The following CHFR variants were observed in gnomAD, a reference collection of about 807,000 sequenced individuals.
CHFR encodes checkpoint with forkhead and ring finger domains.
A neutral mutation model predicts 87.6 loss-of-function variants in CHFR; 57 were observed. That is an observed-to-expected ratio of 0.65 (90% CI 0.53 to 0.81). The LOEUF (loss-of-function observed/expected upper bound fraction) is 0.81. CHFR is among the 30% of genes least tolerant of loss of function. The pLI, the probability that CHFR is intolerant of heterozygous loss-of-function variation, is 0.00. For synonymous variants in CHFR, 381 were observed against 359.2 expected, an observed-to-expected ratio of 1.06 and a Z score of -0.69; for missense variants, 797 against 865.8, an observed-to-expected ratio of 0.92 and a Z score of 1.00.
rs1000930948 is a variant in CHFR, at chr12:132,869,565, T to C, written c.583+54A>G. Reference sequence around the variant, plus strand: ...CCTCTGTAACAACACAGGTAAAGAGTAGTGAACAAAAACCATGCAACCAGC... The same window carrying C: ...CCTCTGTAACAACACAGGTAAAGAGCAGTGAACAAAAACCATGCAACCAGC... On this transcript the variant is annotated intron_variant, in intron 6 of 17. Transcript: ENST00000450056. 20 of 1,487,210 alleles carry C rather than the reference T, an allele frequency of 1.3e-5. No individual in the cohort carries two copies. The African/African-American group carries it at 1.5e-4, about 11-fold the overall frequency. The allele number at this position is 1,487,210 out of a possible 1,614,324, so 92.1% of individuals were successfully genotyped here. A position where few individuals can be genotyped will look rare whatever the true frequency, so the allele number is the denominator to read the frequency against.
intron 11 of CHFR, among the ~76,000 whole-genome samples, chr12:132,853,199 G>C (rs1236419751): frequency 6.6e-6 from 1 of 152,186 alleles, no homozygotes; most frequent in Non-Finnish European, 1.5e-5. Context: ...TAATTCCCAG[G>C]AGTGTTCAGG....
At position 132,841,360 on chromosome 12, in the gene CHFR, GC is replaced by G. The variant is rs1950700679; in HGVS notation, c.*193del. On this transcript the variant is annotated 3_prime_UTR_variant, in exon 18 of 18. Coordinates refer to ENST00000450056, the MANE Select transcript of CHFR (RefSeq NM_001161346.2). ...GCGCTCACCAGGAGGGCGGGCTGCG[GC>G]CCCCGGGGCTCTGGGGAGGGTCTCA... 1 of 575,518 alleles carries G rather than the reference GC, an allele frequency of 1.7e-6. No homozygotes were observed. The highest frequency in any genetic ancestry group is 3.1e-6 in the Non-Finnish European group (1 of 324,392). The allele number at this position is 575,518 out of a possible 1,614,324, so 35.7% of individuals were successfully genotyped here.
Position 132,848,202 on chromosome 12 carries a change from G to A in CHFR, c.1577-47C>T, listed in dbSNP as rs1439141526. 4 of 1,613,768 alleles carry A rather than the reference G, an allele frequency of 2.5e-6. No individual in the cohort carries two copies. The East Asian group carries it at 8.9e-5, about 36-fold the overall frequency. ...GTTACCTGTTTATAATGATGTCGCA[G>A]GAAAGCACTGTCTGCCCGACACTGA... On this transcript the variant is annotated intron_variant, in intron 13 of 17. Coordinates refer to ENST00000450056, the MANE Select transcript of CHFR (RefSeq NM_001161346.2).
rs2136906701 is a variant in CHFR, at chr12:132,841,261, C to G, written c.*293G>C. ...AAAATGTACAAAAGAGCAAAACTGCCCCTCTCGGCGGGACGGCCGCATGTT... is the reference window on the plus strand; with the variant it reads ...AAAATGTACAAAAGAGCAAAACTGCGCCTCTCGGCGGGACGGCCGCATGTT... On this transcript the variant is annotated 3_prime_UTR_variant, in exon 18 of 18. Transcript: ENST00000450056. 1 of 340,714 alleles carries G rather than the reference C, an allele frequency of 2.9e-6. No individual in the cohort carries two copies. The highest frequency in any genetic ancestry group is 5.3e-6 in the Non-Finnish European group (1 of 187,324). 21.1% of individuals were successfully genotyped at this position (340,714 alleles called of 1,614,324 possible).
At chr12:132,879,697 C>G (rs1158432107) in intron 2 of CHFR, among the ~76,000 whole-genome samples, 2 of 151,988 alleles carry the variant, frequency 1.3e-5, no homozygotes, top group Non-Finnish European at 2.9e-5. Flanking sequence ...GCCCTGAATA[C>G]AAAAGCAAGA....
intron 11 of CHFR, among the ~76,000 whole-genome samples, chr12:132,853,165 GC>G (rs1950983439): frequency 6.6e-6 from 1 of 152,164 alleles, no homozygotes; most frequent in South Asian, 2.1e-4. Flanking sequence ...CTGGGGAGAG[GC>G]CAAGTATTAA....
At position 132,842,979 on chromosome 12, in the gene CHFR, T is replaced by C. The variant is rs886930316; in HGVS notation, c.1916+32A>G. On this transcript the variant is annotated intron_variant, in intron 17 of 17. Coordinates refer to ENST00000450056, the MANE Select transcript of CHFR (RefSeq NM_001161346.2). The stretch of plus-strand genomic sequence containing the variant: ...GGCAGTTAACTCATTCATCACTCTG[T>C]AGCTGACGCCTGTGCCCCCAGCTGC... 3.2e-6 allele frequency: 5 copies of C among 1,574,766 alleles called. No homozygotes were observed. The African/African-American group carries it at 6.7e-5, about 21-fold the overall frequency.
chr12:132,862,172 G>T (rs1398880886), intron 6 of CHFR, among the ~76,000 whole-genome samples: 2 of 152,118 alleles, frequency 1.3e-5, no homozygotes, highest in African/African-American at 4.8e-5. Flanking sequence ...CTACTCAAGA[G>T]GCTGAGGCAG....
chr12:132,841,657 ACAC>A, intron 17 of CHFR, 61 bp from the exon 18 acceptor site: 1 of 1,356,972 alleles, frequency 7.4e-7, no homozygotes, highest in African/African-American at 1.4e-5. Flanking sequence ...CAAATAAATT[ACAC>A]AACAGAGCAT....
rs1366019933 is a variant in CHFR, at chr12:132,832,679, A to T, written c.*8875T>A. ...AACATTAAATTTAAATACAGTTAGA[A>T]ACAATGAATCTAATCATATACTAAG... is the stretch of plus-strand genomic sequence containing the variant. On this transcript the variant is annotated 3_prime_UTR_variant, in exon 18 of 18. Transcript: ENST00000450056. The T allele has an allele frequency of 6.6e-6, 1 of 152,278 alleles. No individual in the cohort carries two copies. The highest frequency in any genetic ancestry group is 1.9e-4 in the East Asian group (1 of 5,206). 9.4% of individuals were successfully genotyped at this position (152,278 alleles called of 1,614,324 possible). A position where few individuals can be genotyped will look rare whatever the true frequency, so the allele number is the denominator to read the frequency against.
chr12:132,845,389 C>T lies in CHFR; in HGVS notation c.1736-1255G>A, dbSNP rs542688277. Among the ~76,000 whole-genome samples, 49 of 151,490 alleles carry T rather than the reference C, an allele frequency of 3.2e-4. 1 individual carries two copies. Among genetic ancestry groups the T allele is most frequent in the East Asian group, 5.9e-4 (3 of 5,108 alleles). ...CAGGACAATTGTTGAACCTGGGAGG[C>T]GGAGCTTGCAGGGAGCTGAGATTGT... On this transcript the variant is annotated intron_variant, in intron 15 of 17. Transcript: ENST00000450056.
chr12:132,877,631 T>C lies in CHFR; in HGVS notation c.157A>G (p.Asn53Asp), dbSNP rs77052806. The C allele has an allele frequency of 1.2e-6, 2 of 1,613,382 alleles. No individual in the cohort carries two copies. The highest frequency in any genetic ancestry group is 2.2e-5 in the East Asian group (1 of 44,870). ...CAGTGATCTCCAGAGACCAGTTTAT[T>C]GCTGGGGAAGGAAAGGTCGCAACCT... ...RRGCDLSFPS[N>D]KLVSGDHCRI... Residue 53 changes from asparagine to aspartate, a missense_variant, in exon 3 of 18, where the codon AAT (asparagine) becomes GAT (aspartate). Asn to Asp is a conservative substitution (Grantham distance 23). Coordinates refer to ENST00000450056, the MANE Select transcript of CHFR (RefSeq NM_001161346.2).
chr12:132,843,773 AC>A (rs1207480786), intron 16 of CHFR, among the ~76,000 whole-genome samples: 1 of 152,018 alleles, frequency 6.6e-6, no homozygotes, highest in Admixed American at 6.6e-5. Context: ...ACATGGTGAA[AC>A]CCCGTCTCTA....
intron 2 of CHFR, among the ~76,000 whole-genome samples, chr12:132,877,981 T>A (rs112898402): frequency 6.6e-6 from 1 of 151,910 alleles, no homozygotes; most frequent in Non-Finnish European, 1.5e-5. Context: ...TTTTTGTGTT[T>A]TTAGTAGAGA....
At chr12:132,851,496 T>C in intron 12 of CHFR, 122 bp downstream of exon 12, 2 of 1,183,672 alleles carry the variant, frequency 1.7e-6, no homozygotes, top group East Asian at 2.6e-5. Context: ...CTGATCACAC[T>C]GATGGAAAAA....
chr12:132,858,976 C>G (rs1951150256), intron 8 of CHFR, 92 bp downstream of exon 8: 1 of 1,296,270 alleles, frequency 7.7e-7, no homozygotes, highest in Admixed American at 2.4e-5. Context: ...CAAACAGGAC[C>G]TGCAGGCTTG....
chr12:132,872,263 G>A (rs755285481), intron 4 of CHFR, 22 bp downstream of exon 4: 58 of 1,542,590 alleles, frequency 3.8e-5, no homozygotes, highest in Admixed American at 1.5e-4. Flanking sequence ...GTCTGACCCC[G>A]GCAAGCCTTC....
rs1950662966 is a variant in CHFR at position 132,838,240 on chromosome 12, G to A, written c.*3314C>T. On this transcript the variant is annotated 3_prime_UTR_variant, in exon 18 of 18. Transcript: ENST00000450056. ...TGGGCCCGACCACTCCCATCCTGCT[G>A]GCCCTGAGGTCATTAAGATGACTTA... The A allele has an allele frequency of 6.6e-6, 1 of 152,520 alleles. No homozygotes were observed. Among genetic ancestry groups the A allele is most frequent in the Admixed American group, 6.5e-5 (1 of 15,288 alleles). The allele number at this position is 152,520 out of a possible 1,614,324, so 9.4% of individuals were successfully genotyped here.
chr12:132,881,677 C>A (rs890370307), intron 2 of CHFR, among the ~76,000 whole-genome samples: 1 of 151,992 alleles, frequency 6.6e-6, no homozygotes, highest in South Asian at 2.1e-4. Context: ...ACCATCCTGG[C>A]CAACATGGTG....
Sources: gnomAD v4.1 joint callset for allele counts (sites outside exome capture counted in the v4.1 genomes callset) on GRCh38, gnomAD v4.1.1 for gene constraint, MANE v1.5 for transcripts, NCBI Gene and HGNC (gene_info 2026-07-23, HGNC 2026-07-21) for gene names.